ARHGAP15: variants seen among roughly 807,000 people sequenced by gnomAD.
The protein encoded by ARHGAP15 is rho GTPase-activating protein 15.
ARHGAP15 carries 51 observed loss-of-function variants against 63.7 expected under a neutral mutation model. The ratio of observed to expected loss-of-function variants is 0.80; its 90% confidence interval spans 0.64 to 1.01. The LOEUF is 1.01. Among genes scored for constraint, ARHGAP15 ranks in the 50% least tolerant of loss-of-function variants. ARHGAP15 has a pLI of 0.00. For synonymous variants in ARHGAP15, 191 were observed against 193.8 expected (o/e 0.99, Z 0.12); for missense variants, 560 against 564.6 (o/e 0.99, Z 0.08).
At chr2:143,214,249 T>G (rs1256617510) in intron 3 of ARHGAP15, among the ~76,000 whole-genome samples, 3 of 152,198 alleles carry the variant, frequency 2.0e-5, no homozygotes, top group African/African-American at 7.2e-5. Flanking sequence ...ATCCAGGTTT[T>G]GGGTAACTGT....
intron 13 of ARHGAP15, among the ~76,000 whole-genome samples, chr2:143,722,192 C>A (rs1685091861): frequency 7.2e-6 from 1 of 139,118 alleles, no homozygotes; most frequent in Admixed American, 7.1e-5. Context: ...CACACACACT[C>A]ACACACACAC....
chr2:143,539,001 A>G (rs903981320), intron 10 of ARHGAP15, among the ~76,000 whole-genome samples: 1 of 152,124 alleles, frequency 6.6e-6, no homozygotes, highest in Non-Finnish European at 1.5e-5. Context: ...CTGTGAATCC[A>G]TCTGGTCCTG....
At chr2:143,505,757 AC>A (rs1302843051) in intron 9 of ARHGAP15, among the ~76,000 whole-genome samples, 1 of 152,082 alleles carries the variant, frequency 6.6e-6, no homozygotes, top group Non-Finnish European at 1.5e-5. Context: ...TCCTTTACCT[AC>A]CTCAAAGCAC....
intron 6 of ARHGAP15, among the ~76,000 whole-genome samples, chr2:143,315,447 G>A (rs907391003): frequency 3.9e-5 from 6 of 152,038 alleles, no homozygotes; most frequent in African/African-American, 1.4e-4. Context: ...TATACATGTG[G>A]CTCCCAAGCA....
chr2:143,144,386 T>C (rs1270291795), intron 1 of ARHGAP15, among the ~76,000 whole-genome samples: 1 of 152,056 alleles, frequency 6.6e-6, no homozygotes, highest in Non-Finnish European at 1.5e-5. Flanking sequence ...TGTACAAGCA[T>C]TCCTTTTATG....
intron 1 of ARHGAP15, among the ~76,000 whole-genome samples, chr2:143,150,844 AG>A (rs1255800495): frequency 6.6e-6 from 1 of 152,022 alleles, no homozygotes; most frequent in Non-Finnish European, 1.5e-5. Flanking sequence ...AGGAAGAACA[AG>A]GGGAATACTG....
intron 12 of ARHGAP15, among the ~76,000 whole-genome samples, chr2:143,656,934 G>GGTGTGTGTGTGTGTGTGT (rs5834961): frequency 0.019 from 2,782 of 144,962 alleles, 53 homozygotes; most frequent in Non-Finnish European, 0.021. Context: ...CAAAGTTTCT[G>GGTGTGTGTGTGTGTGTGT]GTGTGTGTGT....
chr2:143,234,425 C>A (rs572032797), intron 5 of ARHGAP15, among the ~76,000 whole-genome samples: 25 of 152,110 alleles, frequency 1.6e-4, no homozygotes, highest in Non-Finnish European at 3.4e-4. Context: ...TCATGGGAGG[C>A]ACTCTGAGGC....
At chr2:143,561,086 A>C (rs1476896903) in intron 11 of ARHGAP15, among the ~76,000 whole-genome samples, 1 of 152,216 alleles carries the variant, frequency 6.6e-6, no homozygotes, top group African/African-American at 2.4e-5. Context: ...TTTGCAAATG[A>C]CAGACTTCAG....
At chr2:143,213,065 G>C (rs576924645) in intron 3 of ARHGAP15, among the ~76,000 whole-genome samples, 2 of 152,166 alleles carry the variant, frequency 1.3e-5, no homozygotes, top group Admixed American at 1.3e-4. Context: ...TCTTGAATAT[G>C]AACTCCCAGG....
At chr2:143,736,349 T>C (rs183160921) in intron 13 of ARHGAP15, among the ~76,000 whole-genome samples, 275 of 151,702 alleles carry the variant, frequency 1.8e-3, no homozygotes, top group African/African-American at 6.3e-3. Context: ...TGAGCCCAGA[T>C]TGTACCACTG....
intron 11 of ARHGAP15, among the ~76,000 whole-genome samples, chr2:143,558,261 T>G (rs964339502): frequency 3.3e-5 from 5 of 151,996 alleles, no homozygotes; most frequent in African/African-American, 1.2e-4. Context: ...CTCTTCCCTT[T>G]ACTTTCAATA....
At chr2:143,404,910 A>G (rs765633588) in intron 6 of ARHGAP15, among the ~76,000 whole-genome samples, 22 of 152,050 alleles carry the variant, frequency 1.4e-4, no homozygotes, top group Admixed American at 3.3e-4. Context: ...TACACATTAA[A>G]ACAGAGACAG....
At chr2:143,256,255 T>A (rs1174596610) in intron 6 of ARHGAP15, among the ~76,000 whole-genome samples, 2 of 152,250 alleles carry the variant, frequency 1.3e-5, no homozygotes, top group Admixed American at 6.6e-5. Context: ...TGAGGGAAAT[T>A]CCAGATATGA....
At chr2:143,217,920 C>T (rs941024728) in intron 4 of ARHGAP15, among the ~76,000 whole-genome samples, 11 of 152,086 alleles carry the variant, frequency 7.2e-5, no homozygotes, top group African/African-American at 1.9e-4. Flanking sequence ...TAGGGGAGAT[C>T]CTAAATGAAA....
At chr2:143,659,856 G>A (rs1306178766) in intron 12 of ARHGAP15, among the ~76,000 whole-genome samples, 1 of 151,976 alleles carries the variant, frequency 6.6e-6, no homozygotes, top group African/African-American at 2.4e-5. Flanking sequence ...CCATTTCTCT[G>A]GCACTTGGTT....
intron 5 of ARHGAP15, among the ~76,000 whole-genome samples, chr2:143,232,370 G>C (rs749597202): frequency 5.3e-5 from 8 of 152,116 alleles, no homozygotes; most frequent in African/African-American, 1.7e-4. Context: ...TGCTCATCAA[G>C]ACAGGTGGAT....
chr2:143,532,631 G>A (rs1042763704), intron 10 of ARHGAP15, among the ~76,000 whole-genome samples: 2 of 152,126 alleles, frequency 1.3e-5, no homozygotes, highest in Non-Finnish European at 2.9e-5. Context: ...ATATACTGTA[G>A]ACTCCTGAGC....
At chr2:143,765,967 AT>A (rs975015763) in intron 13 of ARHGAP15, among the ~76,000 whole-genome samples, 2 of 152,216 alleles carry the variant, frequency 1.3e-5, no homozygotes, top group African/African-American at 4.8e-5. Flanking sequence ...TATTATTAAT[AT>A]TGGTCAGGTC....
Sources: allele counts gnomAD v4.1 joint callset (sites outside exome capture counted in the v4.1 genomes callset), GRCh38; gene constraint gnomAD v4.1.1; transcripts MANE v1.5; gene names NCBI Gene and HGNC (gene_info 2026-07-23, HGNC 2026-07-21).